Variants in NLGN1 observed in about 807,000 individuals in gnomAD.
NLGN1 encodes the protein neuroligin 1.
A neutral mutation model predicts 65.5 loss-of-function variants in NLGN1; 12 were observed. The ratio of observed to expected loss-of-function variants is 0.18; its 90% confidence interval spans 0.12 to 0.30. The LOEUF is 0.30. NLGN1 is among the 10% of genes least tolerant of loss of function. NLGN1 has a pLI of 1.00. For missense variants in NLGN1, 750 were observed against 1,007.1 expected (o/e 0.74, Z 3.46); for synonymous variants, 350 against 359.5 (o/e 0.97, Z 0.30).
chr3:173,674,739 A>G (rs1762898400), intron 3 of NLGN1, among the ~76,000 whole-genome samples: 1 of 152,060 alleles, frequency 6.6e-6, no homozygotes, highest in Admixed American at 6.6e-5. Flanking sequence ...GACATTTCTT[A>G]AAGCTGCTTA....
chr3:174,221,357 T>C (rs1056963421), intron 4 of NLGN1, among the ~76,000 whole-genome samples: 3 of 152,090 alleles, frequency 2.0e-5, no homozygotes, highest in African/African-American at 7.2e-5. Context: ...ACCAGCACTT[T>C]GCCAGCTTCT....
intron 4 of NLGN1, among the ~76,000 whole-genome samples, chr3:173,839,446 C>T (rs1031501496): frequency 7.5e-5 from 11 of 147,492 alleles, no homozygotes; most frequent in African/African-American, 1.8e-4. Flanking sequence ...TTTTTTGAGA[C>T]GAAGTCTTGC....
chr3:173,507,676 A>AGT (rs143327016), intron 2 of NLGN1, among the ~76,000 whole-genome samples: 11,929 of 151,112 alleles, frequency 0.079, 631 homozygotes, highest in Middle Eastern at 0.2. Context: ...TTTCCCAAAT[A>AGT]GTGTGTGTGT....
chr3:173,519,903 T>C (rs549268386), intron 2 of NLGN1, among the ~76,000 whole-genome samples: 1 of 152,274 alleles, frequency 6.6e-6, no homozygotes, highest in Non-Finnish European at 1.5e-5. Context: ...TTTGTATCTG[T>C]ATCCCCACCA....
At chr3:173,711,241 G>A (rs1768921624) in intron 3 of NLGN1, among the ~76,000 whole-genome samples, 2 of 152,148 alleles carry the variant, frequency 1.3e-5, no homozygotes, top group South Asian at 4.1e-4. Flanking sequence ...ATATTTCACA[G>A]ATATCTCACT....
At chr3:174,207,122 G>C (rs190343345) in intron 4 of NLGN1, among the ~76,000 whole-genome samples, 263 of 151,034 alleles carry the variant, frequency 1.7e-3, no homozygotes, top group Non-Finnish European at 3.0e-3. Flanking sequence ...TCTTCTTCCA[G>C]AGTGGTGAGA....
At chr3:173,807,627 C>CA in intron 3 of NLGN1, 53 bp from the exon 4 acceptor site, 1 of 1,582,300 alleles carries the variant, frequency 6.3e-7, no homozygotes, top group Non-Finnish European at 8.6e-7. Context: ...TTCTCTGCTT[C>CA]ATTGTGTGTT....
intron 2 of NLGN1, among the ~76,000 whole-genome samples, chr3:173,488,738 G>T (rs2148997876): frequency 6.6e-6 from 1 of 151,952 alleles, no homozygotes; most frequent in East Asian, 1.9e-4. Context: ...GTAGGTCTAA[G>T]GTTTGATCTT....
intron 2 of NLGN1, among the ~76,000 whole-genome samples, chr3:173,539,031 C>T (rs1034605780): frequency 1.3e-5 from 2 of 152,046 alleles, no homozygotes; most frequent in Admixed American, 6.6e-5. Flanking sequence ...TACATCTGAC[C>T]ATACCTCCTT....
chr3:174,199,865 C>G (rs1354087096), intron 4 of NLGN1, among the ~76,000 whole-genome samples: 3 of 152,162 alleles, frequency 2.0e-5, no homozygotes, highest in Non-Finnish European at 4.4e-5. Context: ...TTGTTACTTA[C>G]AGAGCAGCAT....
At chr3:174,189,314 TAGA>T (rs1731962301) in intron 4 of NLGN1, among the ~76,000 whole-genome samples, 1 of 152,000 alleles carries the variant, frequency 6.6e-6, no homozygotes. Context: ...CCTCAGTGGA[TAGA>T]AGAATTATGG....
At chr3:173,547,151 A>G (rs1740005451) in intron 2 of NLGN1, among the ~76,000 whole-genome samples, 2 of 151,968 alleles carry the variant, frequency 1.3e-5, no homozygotes, top group Non-Finnish European at 1.5e-5. Context: ...TAAAATTGCT[A>G]TTTTTTTTCT....
At chr3:173,970,592 T>C (rs1305922557) in intron 4 of NLGN1, among the ~76,000 whole-genome samples, 2 of 152,066 alleles carry the variant, frequency 1.3e-5, no homozygotes, top group Non-Finnish European at 1.5e-5. Flanking sequence ...GAATTAAAGC[T>C]TGAGGATTTA....
chr3:174,048,096 A>G (rs1389659503), intron 4 of NLGN1, among the ~76,000 whole-genome samples: 1 of 152,108 alleles, frequency 6.6e-6, no homozygotes, highest in Admixed American at 6.6e-5. Context: ...GCAAGGAGAG[A>G]ATTGTTTTCT....
intron 4 of NLGN1, among the ~76,000 whole-genome samples, chr3:173,976,530 A>G (rs1717509253): frequency 6.6e-6 from 1 of 152,078 alleles, no homozygotes; most frequent in South Asian, 2.1e-4. Context: ...ACTGAAACCC[A>G]GATTCTCTGG....
intron 3 of NLGN1, among the ~76,000 whole-genome samples, chr3:173,705,943 A>C (rs568405213): frequency 6.6e-6 from 1 of 152,326 alleles, no homozygotes; most frequent in Admixed American, 6.5e-5. Context: ...TAAGGTTGAG[A>C]GTATTTGAAT....
chr3:174,038,287 G>A (rs1382703158), intron 4 of NLGN1, among the ~76,000 whole-genome samples: 1 of 152,158 alleles, frequency 6.6e-6, no homozygotes, highest in African/African-American at 2.4e-5. Context: ...GCCAAGGCTA[G>A]TCGCTCTGCA....
chr3:173,495,242 A>T (rs1373644152), intron 2 of NLGN1, among the ~76,000 whole-genome samples: 2 of 151,866 alleles, frequency 1.3e-5, no homozygotes, highest in East Asian at 1.9e-4. Flanking sequence ...TTTTATGGTG[A>T]TGCTATTGCA....
At chr3:174,014,628 GCC>G in intron 4 of NLGN1, among the ~76,000 whole-genome samples, 1 of 152,174 alleles carries the variant, frequency 6.6e-6, no homozygotes, top group South Asian at 2.1e-4. Context: ...AAAGAGACAT[GCC>G]TCATCTCTTT....
Sources: allele counts gnomAD v4.1 joint callset (sites outside exome capture counted in the v4.1 genomes callset), GRCh38; gene constraint gnomAD v4.1.1; transcripts MANE v1.5; gene names NCBI Gene and HGNC (gene_info 2026-07-23, HGNC 2026-07-21).